Variants in CHLSN observed in about 807,000 individuals in gnomAD.
CHLSN encodes protein cholesin.
the CHLSN span, among the ~76,000 whole-genome samples, chr7:1,096,011 C>T: frequency 6.6e-6 from 1 of 152,210 alleles, no homozygotes; most frequent in African/African-American, 2.4e-5. The surrounding 1 kb of genome is among the most constrained non-coding windows in gnomAD (Gnocchi z 4.6). Flanking sequence ...GAACAGAGCC[C>T]CAGGCATCAA....
the CHLSN span, among the ~76,000 whole-genome samples, chr7:1,004,107 C>T: frequency 7.2e-5 from 11 of 151,996 alleles, no homozygotes; most frequent in Admixed American, 4.6e-4. Flanking sequence ...AGGGCTCCTG[C>T]GTGATGAGAG....
At chr7:992,186 G>A in the CHLSN span, among the ~76,000 whole-genome samples, 1 of 151,124 alleles carries the variant, frequency 6.6e-6, no homozygotes, top group Non-Finnish European at 1.5e-5. Flanking sequence ...CCCGGCCCCT[G>A]TACCCCCCCG....
the CHLSN span, among the ~76,000 whole-genome samples, chr7:1,027,203 T>C: frequency 6.6e-6 from 1 of 152,250 alleles, no homozygotes; most frequent in Admixed American, 6.5e-5. Flanking sequence ...TTAGGTTTTC[T>C]CACTTTGCCA....
chr7:1,133,392 C>CAAAAAAAAAAAA, the CHLSN span, among the ~76,000 whole-genome samples: 35 of 91,102 alleles, frequency 3.8e-4, no homozygotes, highest in African/African-American at 1.2e-3. Context: ...CGATATACTG[C>CAAAAAAAAAAAA]AAAAAAAAAA....
At chr7:984,455 G>T in the CHLSN span, 1 of 1,550,030 alleles carries the variant, frequency 6.5e-7, no homozygotes, top group South Asian at 1.2e-5. Flanking sequence ...CACCTGGGGC[G>T]CCAGAAGACG....
the CHLSN span, among the ~76,000 whole-genome samples, chr7:1,043,227 T>TA: frequency 5.9e-4 from 87 of 147,880 alleles, no homozygotes; most frequent in East Asian, 2.2e-3. Flanking sequence ...ACTCTGTCTT[T>TA]AAAAAAAAAA....
chr7:1,127,819 G>A, the CHLSN span, among the ~76,000 whole-genome samples: 435 of 51,960 alleles, frequency 8.4e-3, no homozygotes, highest in Middle Eastern at 0.023. Context: ...ACCGTCACCC[G>A]GGCTGGAGTG....
At chr7:1,126,650 C>T in the CHLSN span, among the ~76,000 whole-genome samples, 1 of 152,198 alleles carries the variant, frequency 6.6e-6, no homozygotes, top group East Asian at 1.9e-4. Context: ...CACTGCACTC[C>T]AGCCTGGGCG....
At chr7:988,693 C>T in the CHLSN span, 27 of 1,600,040 alleles carry the variant, frequency 1.7e-5, no homozygotes, top group Admixed American at 6.7e-5. Flanking sequence ...TGCTGTTTGC[C>T]GGCCTCCTGC....
At chr7:1,104,585 C>T in the CHLSN span, among the ~76,000 whole-genome samples, 29 of 152,304 alleles carry the variant, frequency 1.9e-4, no homozygotes, top group East Asian at 4.1e-3. Flanking sequence ...ATGCAGCTTA[C>T]GTGGAAAGGC....
At chr7:1,079,749 G>A in the CHLSN span, among the ~76,000 whole-genome samples, 1 of 152,198 alleles carries the variant, frequency 6.6e-6, no homozygotes, top group Non-Finnish European at 1.5e-5. Flanking sequence ...AGAGGGTCCA[G>A]GGCCCTGCAG....
the CHLSN span, chr7:1,093,687 T>G: frequency 2.1e-6 from 1 of 469,432 alleles, no homozygotes. Flanking sequence ...GACGAATTTG[T>G]TTCTACAGAA....
At chr7:1,091,004 C>T in the CHLSN span, among the ~76,000 whole-genome samples, 1 of 152,156 alleles carries the variant, frequency 6.6e-6, no homozygotes, top group African/African-American at 2.4e-5. Flanking sequence ...GCTTTCCCTT[C>T]CTATCTTACT....
At chr7:1,033,619 C>T in the CHLSN span, among the ~76,000 whole-genome samples, 11 of 152,066 alleles carry the variant, frequency 7.2e-5, no homozygotes, top group East Asian at 9.6e-4. Flanking sequence ...AGAAGAAATA[C>T]GACGTGGTCA....
the CHLSN span, among the ~76,000 whole-genome samples, chr7:1,072,960 G>A: frequency 3.0e-4 from 45 of 152,284 alleles, no homozygotes; most frequent in Admixed American, 9.8e-4. Context: ...TTCTTTAATC[G>A]TTACAGGACT....
the CHLSN span, chr7:983,367 G>A: frequency 6.5e-7 from 1 of 1,526,760 alleles, no homozygotes; most frequent in Non-Finnish European, 8.8e-7. Flanking sequence ...TGTCGCAACA[G>A]GACCGGTCCC....
the CHLSN span, among the ~76,000 whole-genome samples, chr7:1,041,976 G>A: frequency 3.3e-5 from 5 of 152,318 alleles, no homozygotes; most frequent in South Asian, 8.3e-4. Context: ...GGGGAAGGGC[G>A]GCCCCAACAT....
chr7:1,104,586 G>A, the CHLSN span, among the ~76,000 whole-genome samples: 2 of 152,190 alleles, frequency 1.3e-5, no homozygotes, highest in Admixed American at 6.5e-5. Flanking sequence ...TGCAGCTTAC[G>A]TGGAAAGGCC....
At chr7:979,756 T>A in the CHLSN span, among the ~76,000 whole-genome samples, 1 of 150,276 alleles carries the variant, frequency 6.7e-6, no homozygotes, top group Non-Finnish European at 1.5e-5. Flanking sequence ...AATGCAGGGA[T>A]TCAAGCAAGA....
Sources: allele counts gnomAD v4.1 joint callset (sites outside exome capture counted in the v4.1 genomes callset), GRCh38; gene constraint gnomAD v4.1.1; non-coding constraint Gnocchi (gnomAD v3.1); transcripts MANE v1.5; gene names NCBI Gene and HGNC (gene_info 2026-07-23, HGNC 2026-07-21).